The following CD300LG variants were observed in gnomAD, a reference collection of about 807,000 sequenced individuals.
CD300LG encodes CD300 molecule like family member g.
A neutral mutation model predicts 31.5 loss-of-function variants in CD300LG; 29 were observed. The observed-to-expected ratio is 0.92, with a 90% CI of 0.68 to 1.25. The LOEUF (loss-of-function observed/expected upper bound fraction) is 1.25. Among genes scored for constraint, CD300LG ranks in the 50% most tolerant of loss-of-function variants. The probability of loss-of-function intolerance (pLI) is 0.00; values close to 1 mark genes in which losing one functional copy is unlikely to be tolerated. For synonymous variants in CD300LG, 175 were observed against 177.2 expected (o/e 0.99, Z 0.10); for missense variants, 396 against 417.6 (o/e 0.95, Z 0.45).
intron 1 of CD300LG, 121 bp from the exon 2 acceptor site, chr17:43,848,437 C>T: frequency 1.2e-6 from 1 of 808,866 alleles, no homozygotes; most frequent in Middle Eastern, 3.1e-4. Context: ...TCTTCCAAGG[C>T]TGTCCCCAGA....
chr17:43,857,271 G>T, intron 6 of CD300LG, 115 bp downstream of exon 6: 1 of 1,444,576 alleles, frequency 6.9e-7, no homozygotes. Flanking sequence ...TGACCTAGAG[G>T]CAGCGCTTGC....
At chr17:43,857,076 G>T (rs2046543430) in intron 5 of CD300LG, 28 bp from the exon 6 acceptor site, 2 of 1,613,576 alleles carry the variant, frequency 1.2e-6, no homozygotes, top group Admixed American at 1.7e-5. Flanking sequence ...CTGGCTTCAA[G>T]GGGCTCCTCC....
At chr17:43,855,524 G>C (rs1023163822) in intron 5 of CD300LG, 1 of 460,696 alleles carries the variant, frequency 2.2e-6, no homozygotes, top group Non-Finnish European at 3.9e-6. Context: ...GGGGAAATGG[G>C]AGAATGAAGG....
intron 1 of CD300LG, 69 bp from the exon 2 acceptor site, chr17:43,848,489 G>T: frequency 7.9e-7 from 1 of 1,261,934 alleles, no homozygotes; most frequent in Non-Finnish European, 1.1e-6. Flanking sequence ...TCCTAAAATG[G>T]AAGCTCTGGC....
rs1315118522 is a variant in CD300LG at position 43,863,255 on chromosome 17, A to AG, written c.*1344_*1345insG. On this transcript the variant is annotated 3_prime_UTR_variant, in exon 7 of 7. Coordinates refer to ENST00000317310, the MANE Select transcript of CD300LG (RefSeq NM_145273.4). ...GCTGGTCTTGAACTCCTGACCTCAA[A>AG]TGAGCCTCCTGCTTCAGTCTCCCAA... 6.6e-6 allele frequency: 1 copy of AG among 152,066 alleles called. No individual in the cohort carries two copies. 9.4% of individuals were successfully genotyped at this position (152,066 alleles called of 1,614,324 possible).
At chr17:43,857,701 TA>T in intron 6 of CD300LG, 1 of 1,367,180 alleles carries the variant, frequency 7.3e-7, no homozygotes, top group Non-Finnish European at 1.0e-6. Context: ...CCAGAGAGGG[TA>T]AAGGTCTTGC....
Position 43,853,836 on chromosome 17 carries a change from A to G in CD300LG, c.511A>G (p.Thr171Ala), listed in dbSNP as rs763272617. ...TCCTGGGCTCTACCCGGCAGCCACC[A>G]CAGCCAAGCAGGGGAAGACAGGGGC... ...TSPGLYPAAT[T>A]AKQGKTGAEA... The change falls in exon 4 of 7, where the codon ACA becomes GCA. Residue 171 changes from threonine to alanine, a missense_variant. Transcript: ENST00000317310. 16 of 1,613,950 alleles carry G rather than the reference A, an allele frequency of 9.9e-6. No individual in the cohort carries two copies. Among genetic ancestry groups the G allele is most frequent in the African/African-American group, 1.3e-5 (1 of 74,898 alleles).
At chr17:43,849,137 G>C (rs2046275384) in intron 2 of CD300LG, 1 of 578,296 alleles carries the variant, frequency 1.7e-6, no homozygotes, top group Admixed American at 3.1e-5. Context: ...ACCCAGATCT[G>C]TCCAGGGCTG....
intron 1 of CD300LG, among the ~76,000 whole-genome samples, chr17:43,847,879 A>T (rs1208881661): frequency 2.0e-5 from 3 of 152,156 alleles, no homozygotes; most frequent in Non-Finnish European, 4.4e-5. Flanking sequence ...TGAGCCCCAG[A>T]GGTCAAGGCT....
chr17:43,851,474 C>T (rs2046352765), intron 2 of CD300LG, among the ~76,000 whole-genome samples: 1 of 151,992 alleles, frequency 6.6e-6, no homozygotes, highest in Admixed American at 6.6e-5. Flanking sequence ...GATACTCAAT[C>T]TGTAGAAGAG....
chr17:43,858,989 TAG>T (rs1418743668), intron 6 of CD300LG, among the ~76,000 whole-genome samples: 1 of 152,108 alleles, frequency 6.6e-6, no homozygotes, highest in East Asian at 1.9e-4. Context: ...CCATACGAGG[TAG>T]AGTTTAGTAT....
chr17:43,858,258 A>G, intron 6 of CD300LG: 1 of 1,055,284 alleles, frequency 9.5e-7, no homozygotes, highest in Non-Finnish European at 1.1e-6. Context: ...GGCCAAAGGT[A>G]GCAGAGGAGA....
In CD300LG at chr17:43,862,414, C is replaced by G. The variant is rs987495081; in HGVS notation, c.*503C>G. On this transcript the variant is annotated 3_prime_UTR_variant, in exon 7 of 7. Transcript: ENST00000317310. ...GGATTCTGGCTTCTCTTTGAACCAC[C>G]TGCATCCCAGCCCTTCAGGAAGCCT... The G allele has an allele frequency of 1.3e-5, 2 of 152,300 alleles. No individual in the cohort carries two copies. The highest frequency in any genetic ancestry group is 6.5e-5 in the Admixed American group (1 of 15,282). 9.4% of individuals were successfully genotyped at this position (152,300 alleles called of 1,614,324 possible).
At chr17:43,855,049 C>T (rs1279060288) in intron 4 of CD300LG, among the ~76,000 whole-genome samples, 158 bp from the exon 5 acceptor site, 1 of 151,190 alleles carries the variant, frequency 6.6e-6, no homozygotes, top group Non-Finnish European at 1.5e-5. Context: ...GCACTAAATA[C>T]CACCCCCCCG....
chr17:43,853,419 GGGAGGACCTGCCCTTCTGGTGAGGAA>G (rs2046417947), intron 3 of CD300LG, among the ~76,000 whole-genome samples: 1 of 152,146 alleles, frequency 6.6e-6, no homozygotes, highest in South Asian at 2.1e-4. Flanking sequence ...TGGTGGTGAG[GGGAGGACCTGCCCTTCTGGTGAGGAA>G]GGAGGTGACA....
intron 2 of CD300LG, among the ~76,000 whole-genome samples, chr17:43,851,147 A>G (rs2046341125): frequency 6.6e-6 from 1 of 151,132 alleles, no homozygotes; most frequent in African/African-American, 2.4e-5. Flanking sequence ...AAAAAAAAAA[A>G]AAAAAAAAAG....
intron 2 of CD300LG, among the ~76,000 whole-genome samples, chr17:43,852,582 A>C (rs2143333612): frequency 6.6e-6 from 1 of 152,346 alleles, no homozygotes; most frequent in Non-Finnish European, 1.5e-5. Context: ...TAGGCAATGG[A>C]GAGCCAGTGA....
chr17:43,861,175 C>T (rs2046645958), intron 6 of CD300LG: 1 of 985,402 alleles, frequency 1.0e-6, no homozygotes, highest in Non-Finnish European at 1.2e-6. Context: ...CTGTGATCAA[C>T]CTTGCAGGGC....
In CD300LG at chr17:43,861,751, C is replaced by G. The variant is rs899331718; in HGVS notation, c.886-47C>G. 3.8e-6 allele frequency: 5 copies of G among 1,317,448 alleles called. No individual in the cohort carries two copies. The African/African-American group carries it at 7.5e-5, about 20-fold the overall frequency. The allele number at this position is 1,317,448 out of a possible 1,614,324, so 81.6% of individuals were successfully genotyped here. ...GGGGACCACCCCTCACACCTCCCAC[C>G]CCTTCATCTGGGTTCTGCTCTCCAA... is the stretch of plus-strand genomic sequence containing the variant. On this transcript the variant is annotated intron_variant, in intron 6 of 6. Transcript: ENST00000317310.
Sources: gnomAD v4.1 joint callset for allele counts (sites outside exome capture counted in the v4.1 genomes callset) on GRCh38, gnomAD v4.1.1 for gene constraint, MANE v1.5 for transcripts, NCBI Gene and HGNC (gene_info 2026-07-23, HGNC 2026-07-21) for gene names.